Variants in TFDP2 observed in about 807,000 individuals in gnomAD.
The protein encoded by TFDP2 is transcription factor Dp-2.
In TFDP2, 17 loss-of-function variants were observed where a neutral mutation model predicts 59.3. The ratio of observed to expected loss-of-function variants is 0.29; its 90% CI spans 0.20 to 0.43. The LOEUF (loss-of-function observed/expected upper bound fraction) is 0.43, where lower values mean the gene tolerates loss of function less well. Ranked by LOEUF, TFDP2 falls within the 20% of genes least tolerant of loss-of-function variation. TFDP2 has a pLI of 1.00. For missense variants in TFDP2, 391 were observed against 528.8 expected, an observed-to-expected ratio of 0.74 and a Z score of 2.56; for synonymous variants, 180 against 194.7, an observed-to-expected ratio of 0.92 and a Z score of 0.63.
At chr3:141,977,128 TCCCC>T (rs10582248) in intron 7 of TFDP2, among the ~76,000 whole-genome samples, 2 of 110,792 alleles carry the variant, frequency 1.8e-5, no homozygotes, top group Non-Finnish European at 3.6e-5. Context: ...TTTTTTTTTT[TCCCC>T]CCAAAGAGAC....
At position 142,149,225 on chromosome 3, in the gene TFDP2, G is replaced by C. The variant is rs2063298931; in HGVS notation, c.-135C>G. ...GAACTGGCGGCCAAGCGAGGCTGTC[G>C]GGCCGAGCCAGGAGCGCGTCTTCGG... On this transcript the variant is annotated 5_prime_UTR_variant, in exon 1 of 13. Transcript: ENST00000489671. 5 of 397,542 alleles carry C rather than the reference G, an allele frequency of 1.3e-5. No homozygotes were observed. The highest frequency in any genetic ancestry group is 2.6e-4 in the South Asian group (2 of 7,834). The allele number at this position is 397,542 out of a possible 1,614,324, so 24.6% of individuals were successfully genotyped here.
intron 1 of TFDP2, among the ~76,000 whole-genome samples, chr3:142,136,903 T>C (rs1216677807): frequency 6.6e-6 from 1 of 152,060 alleles, no homozygotes; most frequent in Non-Finnish European, 1.5e-5. Flanking sequence ...AACTTTTAAG[T>C]AGTTTTTTCC....
chr3:141,982,100 T>A (rs1217345040), intron 6 of TFDP2, among the ~76,000 whole-genome samples: 1 of 152,184 alleles, frequency 6.6e-6, no homozygotes. Flanking sequence ...AATTGAGATA[T>A]GTCGTAAGTT....
chr3:142,040,067 A>G (rs1052446134), intron 3 of TFDP2, among the ~76,000 whole-genome samples: 5 of 152,162 alleles, frequency 3.3e-5, no homozygotes, highest in Non-Finnish European at 5.9e-5. Context: ...TCTTGTATAC[A>G]TGATGTTTGC....
intron 1 of TFDP2, among the ~76,000 whole-genome samples, chr3:142,144,387 G>A (rs1285684699): frequency 6.6e-6 from 1 of 151,718 alleles, no homozygotes; most frequent in Non-Finnish European, 1.5e-5. Flanking sequence ...AAAAAAGCGG[G>A]GCAGCAGGGG....
At chr3:142,135,079 A>G (rs1326708609) in intron 1 of TFDP2, among the ~76,000 whole-genome samples, 2 of 152,036 alleles carry the variant, frequency 1.3e-5, no homozygotes, top group Non-Finnish European at 2.9e-5. Flanking sequence ...CATTGTCACT[A>G]TTATCGCTAT....
chr3:142,140,185 C>T (rs1039590810), intron 1 of TFDP2, among the ~76,000 whole-genome samples: 4 of 152,228 alleles, frequency 2.6e-5, no homozygotes, highest in East Asian at 1.9e-4. Flanking sequence ...GCATGCCTCA[C>T]GAAGTTCTCA....
intron 1 of TFDP2, among the ~76,000 whole-genome samples, chr3:142,133,630 TGGG>T (rs2062598196): frequency 7.1e-6 from 1 of 140,742 alleles, no homozygotes; most frequent in African/African-American, 3.2e-5. Flanking sequence ...CCTAGGTATC[TGGG>T]CTACAGGCAC....
intron 4 of TFDP2, among the ~76,000 whole-genome samples, chr3:142,003,418 C>T (rs149038634): frequency 0.034 from 5,241 of 152,266 alleles, 296 homozygotes; most frequent in African/African-American, 0.12. Context: ...GCGTGAGACA[C>T]CACACCCAGC....
At position 141,959,737 on chromosome 3, in the gene TFDP2, A is replaced by G. The variant is rs762983272; in HGVS notation, c.988T>C (p.Ser330Pro). 6 of 1,614,184 alleles carry G rather than the reference A, an allele frequency of 3.7e-6. No homozygotes were observed. The South Asian group carries it at 5.5e-5, about 15-fold the overall frequency. The change falls in exon 11 of 13, where the codon TCT (serine) becomes CCT (proline). Residue 330 changes from serine (S) to proline (P), a missense_variant. Physicochemically the swap from Ser to Pro is moderately conservative, Grantham distance 74. Coordinates refer to ENST00000489671, the MANE Select transcript of TFDP2 (RefSeq NM_001178139.2). Reference sequence around the variant, plus strand: ...TTCGCAAGTTTCAGATCCTCCAGAGAGCATTTGCCTGACTCCAGGCCAAAC... The same window carrying G: ...TTCGCAAGTTTCAGATCCTCCAGAGGGCATTTGCCTGACTCCAGGCCAAAC... ...MSFGLESGKCSLEDLKLAKSL... is the reference protein window; with the variant it reads ...MSFGLESGKCPLEDLKLAKSL...
chr3:142,026,700 C>T (rs1946123939), intron 3 of TFDP2, among the ~76,000 whole-genome samples: 1 of 152,180 alleles, frequency 6.6e-6, no homozygotes, highest in South Asian at 2.1e-4. Flanking sequence ...CTTTGTGTTA[C>T]TTGTAAAAGG....
At chr3:142,148,464 C>T (rs921616923) in intron 1 of TFDP2, among the ~76,000 whole-genome samples, 3 of 152,202 alleles carry the variant, frequency 2.0e-5, no homozygotes, top group Admixed American at 1.3e-4. Context: ...GATTTTCTTA[C>T]GATTGCATTC....
rs533717712 is a variant in TFDP2 at position 142,100,489 on chromosome 3, C to T, written c.15+1246G>A. Among the ~76,000 whole-genome samples the T allele has an allele frequency of 9.0e-4, 137 of 152,326 alleles. 1 individual carries two copies. The highest frequency in any genetic ancestry group is 3.2e-3 in the African/African-American group (133 of 41,576). On this transcript the variant is annotated intron_variant, in intron 2 of 12. Transcript: ENST00000489671. Reference sequence around the variant, plus strand: ...CCGGGTTCAAGGGATTCTCCTGCCTCAGCCTCCCGAGTAGCTGGAATTACA... The same window carrying T: ...CCGGGTTCAAGGGATTCTCCTGCCTTAGCCTCCCGAGTAGCTGGAATTACA...
chr3:142,135,489 T>C (rs2062692119), intron 1 of TFDP2, among the ~76,000 whole-genome samples: 1 of 152,030 alleles, frequency 6.6e-6, no homozygotes, highest in Admixed American at 6.5e-5. Context: ...ATGTGCCATG[T>C]TGCTTTGCTG....
At chr3:142,044,053 A>C (rs146289000) in intron 3 of TFDP2, 6 of 655,458 alleles carry the variant, frequency 9.2e-6, no homozygotes, top group Non-Finnish European at 1.4e-5. Flanking sequence ...GCTGATGATC[A>C]GCTCATCTTT....
chr3:142,010,443 T>C (rs1944569310), intron 3 of TFDP2, among the ~76,000 whole-genome samples: 1 of 152,042 alleles, frequency 6.6e-6, no homozygotes, highest in Non-Finnish European at 1.5e-5. Flanking sequence ...ATTCCGTCTC[T>C]ACTAAAAATA....
intron 1 of TFDP2, among the ~76,000 whole-genome samples, chr3:142,147,192 A>T (rs2063211252): frequency 6.6e-6 from 1 of 152,176 alleles, no homozygotes. Flanking sequence ...GCCTACTTTC[A>T]TATCTATTCA....
rs572554752 is a variant in TFDP2 at position 141,981,332 on chromosome 3, T to A, written c.357-2650A>T. Among the ~76,000 whole-genome samples the A allele has an allele frequency of 3.3e-5, 5 of 152,298 alleles. No homozygotes were observed. In the East Asian group the frequency reaches 9.6e-4, roughly 29 times the overall value. ...CAGGCTATACCACCCTGGGTTTGGG[T>A]AAGTACATTGATGATGTTCACACAA... On this transcript the variant is annotated intron_variant, in intron 6 of 12. Transcript: ENST00000489671.
chr3:142,002,349 A>T (rs2108249333), intron 4 of TFDP2, among the ~76,000 whole-genome samples: 1 of 122,454 alleles, frequency 8.2e-6, no homozygotes, highest in South Asian at 2.7e-4. Context: ...GATAAAGATG[A>T]GGTCTCACTA....
Sources: gnomAD v4.1 joint callset for allele counts (sites outside exome capture counted in the v4.1 genomes callset) on GRCh38, gnomAD v4.1.1 for gene constraint, MANE v1.5 for transcripts, NCBI Gene and HGNC (gene_info 2026-07-23, HGNC 2026-07-21) for gene names.